Variants in CHD9 observed in about 807,000 individuals in gnomAD.
The protein encoded by CHD9 is chromodomain helicase DNA binding protein 9.
CHD9 carries 77 observed loss-of-function variants against 316.1 expected under a neutral mutation model. The observed-to-expected ratio is 0.24, with a 90% confidence interval of 0.20 to 0.29. The LOEUF is 0.29. CHD9 is among the 10% of genes least tolerant of loss of function. The probability of loss-of-function intolerance (pLI) is 1.00; values close to 1 mark genes in which losing one functional copy is unlikely to be tolerated. For missense variants in CHD9, 2,763 were observed against 3,438.1 expected (o/e 0.80, Z 4.91); for synonymous variants, 1,129 against 1,158.3 (o/e 0.97, Z 0.51).
chr16:53,302,206 A>G (rs1395288776), intron 30 of CHD9, among the ~76,000 whole-genome samples: 1 of 152,136 alleles, frequency 6.6e-6, no homozygotes, highest in African/African-American at 2.4e-5. Flanking sequence ...TTGTTCCAAG[A>G]TCCTACAATG....
intron 1 of CHD9, among the ~76,000 whole-genome samples, chr16:53,085,503 C>A (rs968417470): frequency 2.6e-5 from 4 of 152,100 alleles, no homozygotes; most frequent in Admixed American, 1.3e-4. Flanking sequence ...CCCATTGATG[C>A]TGATTTATCC....
intron 1 of CHD9, among the ~76,000 whole-genome samples, chr16:53,090,546 G>A (rs1391526995): frequency 4.6e-5 from 7 of 152,176 alleles, no homozygotes; most frequent in East Asian, 1.9e-4. Flanking sequence ...GTGGGATCAC[G>A]TGTATGACGG....
intron 37 of CHD9, chr16:53,321,178 C>A: frequency 8.0e-7 from 1 of 1,244,560 alleles, no homozygotes; most frequent in Non-Finnish European, 1.1e-6. Context: ...AAAATTGAGG[C>A]TGAAAGAGAT....
At chr16:53,147,141 C>T (rs1042102082) in intron 1 of CHD9, among the ~76,000 whole-genome samples, 3 of 151,746 alleles carry the variant, frequency 2.0e-5, no homozygotes, top group Non-Finnish European at 2.9e-5. Context: ...TTAGCTAGTA[C>T]TAAGTCAGAA....
intron 24 of CHD9, among the ~76,000 whole-genome samples, chr16:53,278,663 C>T (rs1350105753): frequency 6.6e-6 from 1 of 152,056 alleles, no homozygotes; most frequent in Non-Finnish European, 1.5e-5. Flanking sequence ...AACAAATTTA[C>T]AAGAAAAAAG....
At chr16:53,278,014 GA>G (rs879377529) in intron 24 of CHD9, among the ~76,000 whole-genome samples, 3,038 of 137,178 alleles carry the variant, frequency 0.022, 104 homozygotes, top group African/African-American at 0.071. Flanking sequence ...ACAATAGCCA[GA>G]AAAAAAAAAA....
At chr16:53,237,580 T>C (rs1256144332) in intron 11 of CHD9, among the ~76,000 whole-genome samples, 2 of 152,086 alleles carry the variant, frequency 1.3e-5, no homozygotes, top group African/African-American at 4.8e-5. Flanking sequence ...TCATGTTCTT[T>C]ACACTTCTGC....
At chr16:53,205,242 T>C (rs1199552615) in intron 2 of CHD9, among the ~76,000 whole-genome samples, 1 of 152,124 alleles carries the variant, frequency 6.6e-6, no homozygotes, top group Non-Finnish European at 1.5e-5. Flanking sequence ...TACAGAAAAA[T>C]TGCAAGCATA....
chr16:53,217,717 A>G (rs897903663), intron 3 of CHD9, among the ~76,000 whole-genome samples: 1 of 152,124 alleles, frequency 6.6e-6, no homozygotes, highest in Non-Finnish European at 1.5e-5. Flanking sequence ...TTCATTGTAA[A>G]TAACCCTATT....
At chr16:53,228,197 T>C (rs1597524501) in intron 7 of CHD9, among the ~76,000 whole-genome samples, 1 of 152,192 alleles carries the variant, frequency 6.6e-6, no homozygotes, top group Admixed American at 6.5e-5. Flanking sequence ...GCATTCATTG[T>C]ATTGTTGAAC....
At chr16:53,190,030 A>G (rs111555478) in intron 2 of CHD9, among the ~76,000 whole-genome samples, 1 of 152,088 alleles carries the variant, frequency 6.6e-6, no homozygotes, top group African/African-American at 2.4e-5. Flanking sequence ...ACATTGAACC[A>G]TGATTTTCCC....
chr16:53,192,841 T>A (rs2044584953), intron 2 of CHD9, among the ~76,000 whole-genome samples: 1 of 152,230 alleles, frequency 6.6e-6, no homozygotes, highest in African/African-American at 2.4e-5. Context: ...TTCCATTATA[T>A]AAATGCACCA....
Position 53,308,599 on chromosome 16 carries a change from T to C in CHD9, c.7054-87T>C. ...TGTTTCAGGATTTTTACTTCATTTT[T>C]TTTCCTCAGTAAAAAAATTCTCTTA... On this transcript the variant is annotated intron_variant, in intron 33 of 38. Transcript: ENST00000447540. The C allele has an allele frequency of 3.4e-6, 3 of 886,150 alleles. No homozygotes were observed. The Admixed American group carries it at 6.8e-5, about 20-fold the overall frequency. The allele number at this position is 886,150 out of a possible 1,614,324, so 54.9% of individuals were successfully genotyped here.
chr16:53,072,399 CTTT>C (rs35582199), intron 1 of CHD9, among the ~76,000 whole-genome samples: 37 of 93,624 alleles, frequency 4.0e-4, no homozygotes, highest in Admixed American at 5.6e-4. Context: ...ATCACCATAA[CTTT>C]TTTTTTTTTT....
At chr16:53,139,374 A>G (rs2039939054) in intron 1 of CHD9, among the ~76,000 whole-genome samples, 1 of 152,228 alleles carries the variant, frequency 6.6e-6, no homozygotes, top group Non-Finnish European at 1.5e-5. Flanking sequence ...TGTATTAATA[A>G]GGTGCTAATC....
At chr16:53,280,108 C>T (rs1260750391) in intron 24 of CHD9, among the ~76,000 whole-genome samples, 4 of 152,138 alleles carry the variant, frequency 2.6e-5, no homozygotes, top group African/African-American at 9.7e-5. Flanking sequence ...TGGAAAACAG[C>T]GTGGAGATTC....
chr16:53,070,175 C>A (rs1000603597), intron 1 of CHD9, among the ~76,000 whole-genome samples: 2 of 152,170 alleles, frequency 1.3e-5, no homozygotes, highest in Admixed American at 6.5e-5. Flanking sequence ...TACCAGATAA[C>A]AATTCCAAGT....
intron 2 of CHD9, among the ~76,000 whole-genome samples, chr16:53,166,088 T>C (rs2042251134): frequency 6.6e-6 from 1 of 152,210 alleles, no homozygotes; most frequent in Non-Finnish European, 1.5e-5. Flanking sequence ...TCACTTAAAG[T>C]GGACTACTTC....
intron 1 of CHD9, among the ~76,000 whole-genome samples, chr16:53,082,424 A>G (rs28472653): frequency 6.6e-6 from 1 of 152,100 alleles, no homozygotes; most frequent in Non-Finnish European, 1.5e-5. Context: ...TTCTTTGGGT[A>G]AAGACAGGGT....
Sources: gnomAD v4.1 joint callset for allele counts (sites outside exome capture counted in the v4.1 genomes callset) on GRCh38, gnomAD v4.1.1 for gene constraint, MANE v1.5 for transcripts, NCBI Gene and HGNC (gene_info 2026-07-23, HGNC 2026-07-21) for gene names.